IGSF10: variants seen among roughly 807,000 people sequenced by gnomAD.
IGSF10 encodes calvaria mechanical force protein 608.
IGSF10 carries 126 observed loss-of-function variants against 128.2 expected under a neutral mutation model. That is an observed-to-expected ratio of 0.98 (90% CI 0.85 to 1.14). The LOEUF (loss-of-function observed/expected upper bound fraction) is 1.14. IGSF10 is among the 50% of genes most tolerant of loss of function. The probability of loss-of-function intolerance (pLI) is 0.00; values close to 1 mark genes in which losing one functional copy is unlikely to be tolerated. For missense variants in IGSF10, 3,295 were observed against 3,149.8 expected, an observed-to-expected ratio of 1.05 and a Z score of -1.10; for synonymous variants, 1,185 against 1,146.2, an observed-to-expected ratio of 1.03 and a Z score of -0.68.
chr3:151,613,769 G>GTTTA, the IGSF10 span, among the ~76,000 whole-genome samples: 1 of 152,218 alleles, frequency 6.6e-6, no homozygotes, highest in East Asian at 1.9e-4. Flanking sequence ...GCATGGGCAA[G>GTTTA]GACTTCATGT....
At chr3:151,556,634 A>G in the IGSF10 span, among the ~76,000 whole-genome samples, 5 of 152,288 alleles carry the variant, frequency 3.3e-5, no homozygotes, top group South Asian at 2.1e-4. Context: ...ATGTGTTTCA[A>G]AGAAAAAAGA....
the IGSF10 span, among the ~76,000 whole-genome samples, chr3:151,532,995 A>G: frequency 1.3e-5 from 2 of 152,212 alleles, no homozygotes; most frequent in Non-Finnish European, 2.9e-5. Context: ...ATGTGCAAAA[A>G]TCATAAGCAT....
At chr3:151,594,331 C>CTTTTTT in the IGSF10 span, among the ~76,000 whole-genome samples, 2 of 121,518 alleles carry the variant, frequency 1.6e-5, no homozygotes, top group African/African-American at 6.2e-5. Context: ...ATAAAAACTG[C>CTTTTTT]TTTTTTTTTT....
chr3:151,436,737 C>A lies in IGSF10; in HGVS notation c.7824G>T (p.Lys2608Asn), dbSNP rs868788604. Residue 2608 changes from lysine (K) to asparagine (N), a missense_variant, in exon 8 of 8, where the codon AAG becomes AAT. Lys to Asn is a moderately conservative substitution (Grantham distance 94, BLOSUM62 0). Transcript: ENST00000282466. ...SDSGIYKCTA[K>N]NPLGSDYAAT... is the part of the protein sequence containing the mutation. ...CTGCATAATCACTACCAAGTGGGTT[C>A]TTTGCTGTGCATTTGTATATCCCAG... is the stretch of plus-strand genomic sequence containing the variant. 1 of 1,614,040 alleles carries A rather than the reference C, an allele frequency of 6.2e-7. No homozygotes were observed. Among genetic ancestry groups the A allele is most frequent in the Non-Finnish European group, 8.5e-7 (1 of 1,179,976 alleles).
At chr3:151,526,860 C>A in the IGSF10 span, among the ~76,000 whole-genome samples, 3 of 152,136 alleles carry the variant, frequency 2.0e-5, no homozygotes, top group Non-Finnish European at 2.9e-5. Context: ...GGTGCTTGGG[C>A]AGAATGTGTG....
the IGSF10 span, among the ~76,000 whole-genome samples, chr3:151,615,987 TAAGTTTCACTC>T: frequency 6.9e-6 from 1 of 145,910 alleles, no homozygotes; most frequent in Non-Finnish European, 1.5e-5. Flanking sequence ...TTTTTGAGAT[TAAGTTTCACTC>T]TTGTTGCCCA....
the IGSF10 span, among the ~76,000 whole-genome samples, chr3:151,514,859 GT>G: frequency 6.6e-6 from 1 of 152,050 alleles, no homozygotes; most frequent in East Asian, 1.9e-4. Context: ...CAAAAAACAC[GT>G]GAAAAAATGC....
the IGSF10 span, among the ~76,000 whole-genome samples, chr3:151,555,853 G>A: frequency 6.6e-6 from 1 of 152,112 alleles, no homozygotes; most frequent in South Asian, 2.1e-4. Context: ...AAAGATAAAT[G>A]ACTCTAGTCC....
the IGSF10 span, among the ~76,000 whole-genome samples, chr3:151,616,447 A>G: frequency 6.6e-6 from 1 of 152,182 alleles, no homozygotes; most frequent in South Asian, 2.1e-4. Context: ...ATGGACATTC[A>G]TTAAGTAAAA....
chr3:151,507,772 A>G, the IGSF10 span, among the ~76,000 whole-genome samples: 5 of 152,190 alleles, frequency 3.3e-5, no homozygotes, highest in Admixed American at 6.6e-5. Flanking sequence ...GGATTATAGG[A>G]ACTAAAATTC....
chr3:151,449,115 T>G lies in IGSF10; in HGVS notation c.866A>C (p.Lys289Thr). Residue 289 changes from lysine to threonine, a missense_variant, in exon 6 of 8, where the codon AAA becomes ACA. Transcript: ENST00000282466. ...CAKPTIDSSL[K>T]SKSLTILEDS... is the part of the protein sequence containing the mutation. ...TTCCAGAATAGTCAGGCTCTTTGAT[T>G]TCAGGGATGAGTCAATGGTTGGCTT... is the stretch of plus-strand genomic sequence containing the variant. The G allele has an allele frequency of 6.2e-7, 1 of 1,614,198 alleles. No individual in the cohort carries two copies. Among genetic ancestry groups the G allele is most frequent in the Non-Finnish European group, 8.5e-7 (1 of 1,180,028 alleles).
At chr3:151,530,554 C>A in the IGSF10 span, among the ~76,000 whole-genome samples, 1 of 152,122 alleles carries the variant, frequency 6.6e-6, no homozygotes, top group African/African-American at 2.4e-5. Context: ...GGGCAGGGGG[C>A]AATATTCAAC....
the IGSF10 span, among the ~76,000 whole-genome samples, chr3:151,525,272 G>A: frequency 6.6e-6 from 1 of 151,884 alleles, no homozygotes; most frequent in Admixed American, 6.6e-5. Flanking sequence ...GTTTACGGAA[G>A]TACAATTAAG....
chr3:151,446,448 GTAAT>G lies in IGSF10; in HGVS notation c.3529_3532del (p.Ile1177HisfsTer13). 1 of 1,614,092 alleles carries G rather than the reference GTAAT, an allele frequency of 6.2e-7. No individual in the cohort carries two copies. Among genetic ancestry groups the G allele is most frequent in the Non-Finnish European group, 8.5e-7 (1 of 1,179,928 alleles). The stretch of plus-strand genomic sequence containing the variant: ...GGTGATAGCACCTGAAAGTGACGAT[GTAAT>G]CACTGAATCTCTTTTAGCTTCATTG... On this transcript the variant is annotated frameshift_variant, in exon 6 of 8. Transcript: ENST00000282466. LOFTEE classifies it high-confidence loss of function.
the IGSF10 span, among the ~76,000 whole-genome samples, chr3:151,547,016 C>CA: frequency 2.6e-5 from 1 of 38,054 alleles, no homozygotes; most frequent in East Asian, 1.1e-3. Context: ...GGCGATCCAC[C>CA]CCCCCCTTGG....
the IGSF10 span, among the ~76,000 whole-genome samples, chr3:151,586,257 G>A: frequency 6.6e-6 from 1 of 152,034 alleles, no homozygotes; most frequent in South Asian, 2.1e-4. Flanking sequence ...AAGGCACCTG[G>A]CCCATATTAA....
Position 151,443,327 on chromosome 3 carries a change from C to T in IGSF10, c.5620G>A (p.Val1874Ile), listed in dbSNP as rs145507750. The change falls in exon 7 of 8, where the codon GTT becomes ATT. Residue 1874 changes from valine (V) to isoleucine (I), a missense_variant. By Grantham distance (29) the Val-to-Ile change is conservative (BLOSUM62 3). Coordinates refer to ENST00000282466, the MANE Select transcript of IGSF10 (RefSeq NM_178822.5). ...CTAKGTPQPS[V>I]YWVLSDGTEV... ...GTGCCATCAGAGAGGACCCAGTAAACGCTGGGCTGAGGAGTTCCTTTTGCA... is the reference window on the plus strand; with the variant it reads ...GTGCCATCAGAGAGGACCCAGTAAATGCTGGGCTGAGGAGTTCCTTTTGCA... 993 of 1,614,164 alleles carry T rather than the reference C, an allele frequency of 6.2e-4. 5 individuals are homozygous for T. The highest frequency in any genetic ancestry group is 1.6e-4 in the Middle Eastern group (1 of 6,062).
the IGSF10 span, among the ~76,000 whole-genome samples, chr3:151,480,431 A>G: frequency 6.6e-6 from 1 of 152,118 alleles, no homozygotes; most frequent in Admixed American, 6.5e-5. Context: ...TGTCCTTCAC[A>G]GGGTCTAAGC....
At chr3:151,586,091 C>T in the IGSF10 span, among the ~76,000 whole-genome samples, 1 of 151,744 alleles carries the variant, frequency 6.6e-6, no homozygotes, top group East Asian at 1.9e-4. Context: ...GCAATCCTCC[C>T]ACCTCAGACT....
Sources: gnomAD v4.1 joint callset for allele counts (sites outside exome capture counted in the v4.1 genomes callset) on GRCh38, gnomAD v4.1.1 for gene constraint, MANE v1.5 for transcripts, NCBI Gene and HGNC (gene_info 2026-07-23, HGNC 2026-07-21) for gene names.